The following GABRR3 variants were observed in gnomAD, a reference collection of about 807,000 sequenced individuals.
GABRR3 encodes gamma-aminobutyric acid receptor subunit rho-3.
A neutral mutation model predicts 43.2 loss-of-function variants in GABRR3; 29 were observed. The observed-to-expected ratio is 0.67, with a 90% CI of 0.50 to 0.92. The LOEUF is 0.92. Ranked by LOEUF, GABRR3 falls within the 40% of genes least tolerant of loss-of-function variation. The pLI is 0.00. For synonymous variants in GABRR3, 206 were observed against 195.9 expected, an observed-to-expected ratio of 1.05 and a Z score of -0.43; for missense variants, 576 against 572.3, an observed-to-expected ratio of 1.01 and a Z score of -0.07.
intron 6 of GABRR3, among the ~76,000 whole-genome samples, chr3:98,008,575 A>G (rs1366536829): frequency 6.6e-6 from 1 of 152,174 alleles, no homozygotes; most frequent in Non-Finnish European, 1.5e-5. Context: ...ATCCAAGTCT[A>G]CTTAATGGAG....
intron 9 of GABRR3, among the ~76,000 whole-genome samples, chr3:97,987,552 T>TAG (rs999533942): frequency 1.2e-4 from 19 of 152,234 alleles, no homozygotes; most frequent in Middle Eastern, 3.4e-3. Context: ...AATGAACAAA[T>TAG]AGAGAGAGGC....
intron 4 of GABRR3, 85 bp from the exon 5 acceptor site, chr3:98,012,652 T>C: frequency 1.1e-6 from 1 of 874,436 alleles, no homozygotes; most frequent in Non-Finnish European, 1.8e-6. Flanking sequence ...CCAGGACTCA[T>C]TCCTATGGTG....
intron 9 of GABRR3, among the ~76,000 whole-genome samples, chr3:97,988,889 G>A (rs1406522475): frequency 6.6e-6 from 1 of 151,218 alleles, no homozygotes; most frequent in Non-Finnish European, 1.5e-5. Context: ...GGTGGTAGTG[G>A]TGGATAGTGG....
intron 4 of GABRR3, among the ~76,000 whole-genome samples, chr3:98,015,252 G>A (rs1342067705): frequency 6.6e-6 from 1 of 152,190 alleles, no homozygotes; most frequent in Non-Finnish European, 1.5e-5. Context: ...AATTGCAGTG[G>A]TGTGATCTTG....
intron 3 of GABRR3, among the ~76,000 whole-genome samples, chr3:98,024,313 C>T (rs183368729): frequency 1.4e-5 from 2 of 145,588 alleles, no homozygotes; most frequent in African/African-American, 2.6e-5. Flanking sequence ...GAGCCGAGAT[C>T]GCGCCACTGC....
chr3:98,018,270 G>A (rs1706898473), intron 3 of GABRR3, among the ~76,000 whole-genome samples: 1 of 152,152 alleles, frequency 6.6e-6, no homozygotes, highest in Non-Finnish European at 1.5e-5. Context: ...ATTTTATTGA[G>A]ACTAAAAGTA....
At chr3:98,017,268 C>T (rs1188693380) in intron 4 of GABRR3, among the ~76,000 whole-genome samples, 3 of 152,138 alleles carry the variant, frequency 2.0e-5, no homozygotes, top group African/African-American at 7.2e-5. Flanking sequence ...AGCAGTCCAT[C>T]AATGCTGGTT....
intron 9 of GABRR3, among the ~76,000 whole-genome samples, chr3:97,991,301 T>A (rs1259677760): frequency 6.6e-6 from 1 of 152,232 alleles, no homozygotes; most frequent in East Asian, 1.9e-4. Flanking sequence ...GTATGGGTAA[T>A]AGATCAACAG....
intron 3 of GABRR3, among the ~76,000 whole-genome samples, chr3:98,020,219 G>C (rs76375854): frequency 0.02 from 3,077 of 152,212 alleles, 90 homozygotes; most frequent in African/African-American, 0.071. Context: ...GTGAATGAGA[G>C]TAAGTAATGT....
In GABRR3 at chr3:97,997,973, T is replaced by C. The variant is rs535645613; in HGVS notation, c.907+3642A>G. 1.2e-4 allele frequency: 18 copies of C among 152,216 alleles called. No homozygotes were observed. In the South Asian group the frequency reaches 2.3e-3, roughly 19 times the overall value. The allele number at this position is 152,216 out of a possible 1,614,324, so 9.4% of individuals were successfully genotyped here. On this transcript the variant is annotated intron_variant, in intron 8 of 9. Coordinates refer to ENST00000621172, the Ensembl canonical transcript of GABRR3. ...AAAAATGCATAATACAAATTAGAAC[T>C]CTCTAACAGTCTAACTTCTTTATAT...
chr3:98,017,664 C>A (rs780803553), exon 4 of GABRR3: 1 of 1,609,076 alleles, frequency 6.2e-7, no homozygotes, highest in South Asian at 1.1e-5. Flanking sequence ...CCATGTTAGT[C>A]TCTGAAATGC....
chr3:98,011,635 G>T (rs1205398200), intron 5 of GABRR3, among the ~76,000 whole-genome samples: 1 of 151,486 alleles, frequency 6.6e-6, no homozygotes, highest in African/African-American at 2.4e-5. Flanking sequence ...GGTCATATAT[G>T]ATAAGCTTCA....
At position 98,009,036 on chromosome 3, in the gene GABRR3, ATCC is replaced by A; in HGVS notation, c.531-1_532del. 4.4e-6 allele frequency: 7 copies of A among 1,598,682 alleles called. No individual in the cohort carries two copies. Among genetic ancestry groups the A allele is most frequent in the Non-Finnish European group, 6.0e-6 (7 of 1,171,308 alleles). The stretch of plus-strand genomic sequence containing the variant: ...CATAAAGCACATGGCCGAAACCGTT[ATCC>A]TATAAAAAGAATGAGAAAAAGAAAA... On this transcript the variant is annotated splice_acceptor_variant and coding_sequence_variant, in exon 6 of 10. Coordinates refer to ENST00000621172, the Ensembl canonical transcript of GABRR3. LOFTEE classifies it high-confidence loss of function.
At chr3:98,019,735 G>A (rs1706914571) in intron 3 of GABRR3, among the ~76,000 whole-genome samples, 1 of 152,164 alleles carries the variant, frequency 6.6e-6, no homozygotes, top group African/African-American at 2.4e-5. Context: ...AGAGGCATGT[G>A]TCACCATGCC....
In GABRR3 at chr3:97,996,761, A is replaced by T. The variant is rs566867550; in HGVS notation, c.908-3713T>A. ...AGAGACATAATCATATTTTTGACCC[A>T]TCACACATTCCAAGTTATGGTAGCT... On this transcript the variant is annotated intron_variant, in intron 8 of 9. Transcript: ENST00000621172. Among the ~76,000 whole-genome samples, 6 of 152,348 alleles carry T rather than the reference A, an allele frequency of 3.9e-5. No homozygotes were observed. In the South Asian group the frequency reaches 1.2e-3, roughly 32 times the overall value.
Position 98,012,342 on chromosome 3 carries a change from ACC to A in GABRR3, c.530_530+1del. 1 of 1,612,172 alleles carries A rather than the reference ACC, an allele frequency of 6.2e-7. No individual in the cohort carries two copies. ...CCAAAGGCGATAGGCAGCTTTCCTTACCTGAGACTTAGGAGGACGTTTCCATC... is the reference window on the plus strand; with the variant it reads ...CCAAAGGCGATAGGCAGCTTTCCTTATGAGACTTAGGAGGACGTTTCCATC... On this transcript the variant is annotated splice_donor_variant and coding_sequence_variant, in exon 5 of 10. Coordinates refer to ENST00000621172, the Ensembl canonical transcript of GABRR3. LOFTEE classifies it high-confidence loss of function.
intron 8 of GABRR3, among the ~76,000 whole-genome samples, chr3:97,995,623 A>T (rs1022977201): frequency 2.0e-5 from 3 of 151,460 alleles, no homozygotes; most frequent in African/African-American, 7.3e-5. Flanking sequence ...AAAAAGAATT[A>T]GAGTGGAGAG....
intron 2 of GABRR3, among the ~76,000 whole-genome samples, chr3:98,030,055 C>T (rs940660234): frequency 1.7e-4 from 26 of 149,738 alleles, no homozygotes; most frequent in Admixed American, 4.0e-4. Flanking sequence ...GCAGAGGTGG[C>T]AGTGAGCCGA....
rs369303504 is a variant in GABRR3 at position 98,034,939 on chromosome 3, A to T, written c.49T>A (p.Leu17Met). The T allele has an allele frequency of 4.3e-6, 7 of 1,612,988 alleles. No individual in the cohort carries two copies. The African/African-American group carries it at 6.7e-5, about 15-fold the overall frequency. ...GAAGCAGCACAAACATTTGGTTTCA[A>T]TATGATCCAGATGTAGGTGAAGGAG... is the stretch of plus-strand genomic sequence containing the variant. The change falls in exon 2 of 10, where the codon TTG becomes ATG. Residue 17 changes from leucine (L) to methionine (M), a missense_variant. Transcript: ENST00000621172.
Sources: gnomAD v4.1 joint callset for allele counts (sites outside exome capture counted in the v4.1 genomes callset) on GRCh38, gnomAD v4.1.1 for gene constraint, MANE v1.5 for transcripts, NCBI Gene and HGNC (gene_info 2026-07-23, HGNC 2026-07-21) for gene names.